Variants in STEAP1B observed in about 807,000 individuals in gnomAD.
STEAP1B encodes the protein STEAP family protein MGC87042.
In STEAP1B, 13 loss-of-function variants were observed where a neutral mutation model predicts 27.9. The observed-to-expected ratio is 0.47, with a 90% CI of 0.30 to 0.74. The LOEUF (loss-of-function observed/expected upper bound fraction) is 0.74, where lower values mean the gene tolerates loss of function less well. STEAP1B is among the 30% of genes least tolerant of loss of function. The pLI is 0.06. For synonymous variants in STEAP1B, 86 were observed against 107.1 expected (o/e 0.80, Z 1.22); for missense variants, 250 against 298.7 (o/e 0.84, Z 1.20).
chr7:22,425,667 T>C (rs1452518029), intron 4 of STEAP1B, among the ~76,000 whole-genome samples: 1 of 152,236 alleles, frequency 6.6e-6, no homozygotes, highest in African/African-American at 2.4e-5. Flanking sequence ...AAAAATCTTC[T>C]ATAATTATCA....
At chr7:22,424,252 C>T (rs1583625924) in intron 4 of STEAP1B, among the ~76,000 whole-genome samples, 1 of 152,104 alleles carries the variant, frequency 6.6e-6, no homozygotes, top group Admixed American at 6.5e-5. Flanking sequence ...ATAACACTTG[C>T]CATACGTAAG....
At chr7:22,488,891 C>T (rs145297664) in intron 4 of STEAP1B, among the ~76,000 whole-genome samples, 101 of 152,320 alleles carry the variant, frequency 6.6e-4, no homozygotes, top group African/African-American at 2.2e-3. Context: ...CCAGGAAGGT[C>T]TTACATCTTG....
chr7:22,447,137 G>A (rs1785420389), intron 4 of STEAP1B, among the ~76,000 whole-genome samples: 1 of 152,166 alleles, frequency 6.6e-6, no homozygotes, highest in Non-Finnish European at 1.5e-5. Context: ...AATTTAGCAT[G>A]GCCTGGTTCC....
chr7:22,479,940 G>T (rs1403417451), intron 4 of STEAP1B, among the ~76,000 whole-genome samples: 2 of 152,014 alleles, frequency 1.3e-5, no homozygotes, highest in Admixed American at 1.3e-4. Context: ...ATTATAAAAT[G>T]ATTAGAATTA....
intron 4 of STEAP1B, among the ~76,000 whole-genome samples, chr7:22,449,078 T>G (rs1785448424): frequency 6.6e-6 from 1 of 151,774 alleles, no homozygotes; most frequent in African/African-American, 2.4e-5. Flanking sequence ...ATGCAACATG[T>G]GATAATCACA....
Position 22,442,016 on chromosome 7 carries a change from T to G in STEAP1B, c.763-22180A>C, listed in dbSNP as rs571998978. 2.0e-4 allele frequency among the ~76,000 whole-genome samples: 31 copies of G among 152,366 alleles called. No homozygotes were observed. In the South Asian group the frequency reaches 6.0e-3, roughly 30 times the overall value. On this transcript the variant is annotated intron_variant, in intron 4 of 4. Transcript: ENST00000678116. ...GGATTTGGGTGGGATTTGGCCACCCTGGGATTTGGCTGGATAGTCCATGCT... is the reference window on the plus strand; with the variant it reads ...GGATTTGGGTGGGATTTGGCCACCCGGGGATTTGGCTGGATAGTCCATGCT...
At chr7:22,442,660 G>A (rs1785351839) in intron 4 of STEAP1B, among the ~76,000 whole-genome samples, 1 of 152,236 alleles carries the variant, frequency 6.6e-6, no homozygotes, top group South Asian at 2.1e-4. Flanking sequence ...CTTTGACAGA[G>A]TTGGAATCTT....
intron 4 of STEAP1B, among the ~76,000 whole-genome samples, chr7:22,439,012 C>T (rs17146917): frequency 0.032 from 4,793 of 152,126 alleles, 255 homozygotes; most frequent in African/African-American, 0.11. Context: ...AGAAATCTGG[C>T]CAATATGTAA....
intron 4 of STEAP1B, among the ~76,000 whole-genome samples, chr7:22,467,966 C>A (rs1785815617): frequency 1.3e-5 from 2 of 152,084 alleles, no homozygotes; most frequent in South Asian, 4.2e-4. Flanking sequence ...GTGGAGGGAG[C>A]CCCAGAATGG....
At chr7:22,425,641 C>T (rs1785096195) in intron 4 of STEAP1B, among the ~76,000 whole-genome samples, 1 of 152,160 alleles carries the variant, frequency 6.6e-6, no homozygotes, top group Non-Finnish European at 1.5e-5. Context: ...TTCACCAGAG[C>T]CAATAATAAC....
intron 4 of STEAP1B, among the ~76,000 whole-genome samples, chr7:22,461,821 T>C (rs567573219): frequency 7.9e-5 from 12 of 152,352 alleles, no homozygotes; most frequent in South Asian, 2.1e-4. Context: ...ATGTAACCTA[T>C]TCCAACATTT....
intron 4 of STEAP1B, among the ~76,000 whole-genome samples, chr7:22,458,791 G>A (rs185570164): frequency 6.6e-6 from 1 of 152,118 alleles, no homozygotes; most frequent in Non-Finnish European, 1.5e-5. Flanking sequence ...ATTGTGGAGG[G>A]CATTGCATGT....
intron 4 of STEAP1B, among the ~76,000 whole-genome samples, chr7:22,491,311 C>T (rs1329774089): frequency 6.6e-6 from 1 of 152,142 alleles, no homozygotes; most frequent in Non-Finnish European, 1.5e-5. Context: ...CTATGTCTCT[C>T]ACAGGATGAA....
intron 1 of STEAP1B, chr7:22,495,384 G>C (rs1231223421): frequency 1.3e-5 from 2 of 152,304 alleles, no homozygotes; most frequent in East Asian, 3.8e-4. Flanking sequence ...GGAGTAAGAG[G>C]TTGGTCCTTG....
intron 4 of STEAP1B, among the ~76,000 whole-genome samples, chr7:22,451,395 C>T (rs1409279323): frequency 1.3e-5 from 2 of 152,042 alleles, no homozygotes; most frequent in African/African-American, 4.8e-5. Context: ...TTTGGATGCC[C>T]TTTCTTTATC....
intron 4 of STEAP1B, among the ~76,000 whole-genome samples, chr7:22,466,791 G>T (rs1785792087): frequency 6.6e-6 from 1 of 150,804 alleles, no homozygotes; most frequent in East Asian, 1.9e-4. Flanking sequence ...CACCAGATCT[G>T]TAAGGCTGTG....
At chr7:22,423,552 C>T (rs1193720783) in intron 4 of STEAP1B, among the ~76,000 whole-genome samples, 2 of 152,168 alleles carry the variant, frequency 1.3e-5, no homozygotes, top group African/African-American at 4.8e-5. Flanking sequence ...ATGAAACGTC[C>T]AGGAATAGGG....
chr7:22,472,411 AG>A (rs1254417775), intron 4 of STEAP1B, among the ~76,000 whole-genome samples: 1 of 152,208 alleles, frequency 6.6e-6, no homozygotes, highest in East Asian at 1.9e-4. Context: ...AAATGTCAAA[AG>A]TATCAGCTTG....
At chr7:22,444,990 G>C (rs185903227) in intron 4 of STEAP1B, among the ~76,000 whole-genome samples, 4 of 152,310 alleles carry the variant, frequency 2.6e-5, no homozygotes, top group Admixed American at 2.6e-4. Flanking sequence ...AGAGCTGTTA[G>C]ATCAGTCGTC....
Sources: allele counts gnomAD v4.1 joint callset (sites outside exome capture counted in the v4.1 genomes callset), GRCh38; gene constraint gnomAD v4.1.1; transcripts MANE v1.5; gene names NCBI Gene and HGNC (gene_info 2026-07-23, HGNC 2026-07-21).